The following SH3GLB1 variants were observed in gnomAD, a reference collection of about 807,000 sequenced individuals.
SH3GLB1 encodes the protein SH3 domain containing GRB2 like, endophilin B1.
In SH3GLB1, 17 loss-of-function variants were observed where a neutral mutation model predicts 42.0. The observed-to-expected ratio is 0.40, with a 90% CI of 0.28 to 0.61. SH3GLB1 has a LOEUF of 0.61. SH3GLB1 is among the 20% of genes least tolerant of loss of function. The pLI is 0.36. For synonymous variants in SH3GLB1, 132 were observed against 146.6 expected, an observed-to-expected ratio of 0.90 and a Z score of 0.72; for missense variants, 355 against 426.3, an observed-to-expected ratio of 0.83 and a Z score of 1.47.
chr1:86,714,882 A>C (rs1264196201), intron 1 of SH3GLB1, among the ~76,000 whole-genome samples: 1 of 152,206 alleles, frequency 6.6e-6, no homozygotes, highest in Non-Finnish European at 1.5e-5. Context: ...ATCTACACAG[A>C]ATCTTTTTAC....
rs572238851 is a variant in SH3GLB1, at chr1:86,704,990, G to C, written c.72+19G>C. 20 of 1,541,642 alleles carry C rather than the reference G, an allele frequency of 1.3e-5. No homozygotes were observed. Among genetic ancestry groups the C allele is most frequent in the Non-Finnish European group, 1.8e-5 (20 of 1,139,460 alleles). ...CGTGCAGGTACCCTGGTGCTGGGGG[G>C]AAAAGGGGTGGCGGCGCCCGGGAAG... On this transcript the variant is annotated intron_variant, in intron 1 of 8. Coordinates refer to ENST00000370558, the MANE Select transcript of SH3GLB1 (RefSeq NM_016009.5).
Position 86,730,783 on chromosome 1 carries a change from T to C in SH3GLB1, c.571-3819T>C, listed in dbSNP as rs537117527. On this transcript the variant is annotated intron_variant, in intron 5 of 8. Transcript: ENST00000370558. ...TCCCAAAGTGCTGGCATTACAGGCGTGAGCCACCGTACCCGGCCACAGATG... is the reference window on the plus strand; with the variant it reads ...TCCCAAAGTGCTGGCATTACAGGCGCGAGCCACCGTACCCGGCCACAGATG... Among the ~76,000 whole-genome samples, 3 of 152,346 alleles carry C rather than the reference T, an allele frequency of 2.0e-5. No individual in the cohort carries two copies. In the South Asian group the frequency reaches 6.2e-4, roughly 32 times the overall value.
intron 5 of SH3GLB1, among the ~76,000 whole-genome samples, chr1:86,725,583 A>G (rs371241250): frequency 6.6e-6 from 1 of 152,172 alleles, no homozygotes; most frequent in Admixed American, 6.5e-5. Context: ...AATTTGAGCT[A>G]TGGTATGATA....
chr1:86,724,892 A>AAAAAAAAAATATATATATATAT (rs1291454820), intron 5 of SH3GLB1, among the ~76,000 whole-genome samples: 3 of 99,676 alleles, frequency 3.0e-5, no homozygotes, highest in South Asian at 3.0e-4. Flanking sequence ...AAAAAAAAAA[A>AAAAAAAAAATATATATATATAT]ATATATATAT....
At chr1:86,710,183 A>G (rs60052187) in intron 1 of SH3GLB1, among the ~76,000 whole-genome samples, 20 of 152,354 alleles carry the variant, frequency 1.3e-4, no homozygotes, top group East Asian at 9.6e-4. Context: ...ACCTGATGTT[A>G]AAATTTACAC....
rs1279456935 is a variant in SH3GLB1, at chr1:86,719,598, T to G, written c.306T>G (p.Ile102Met). 6.2e-7 allele frequency: 1 copy of G among 1,611,046 alleles called. No homozygotes were observed. The highest frequency in any genetic ancestry group is 1.7e-5 in the Admixed American group (1 of 59,674). Residue 102 changes from isoleucine to methionine, a missense_variant, in exon 3 of 9, where the codon ATT (isoleucine) becomes ATG (methionine). Transcript: ENST00000370558. ...NNPELLGQYM[I>M]DAGTEFGPGT... ...CAGAACTTTTGGGACAATATATGAT[T>G]GATGCAGGGACTGAGTTTGGCCCAG...
intron 1 of SH3GLB1, among the ~76,000 whole-genome samples, chr1:86,712,738 C>G (rs1393939605): frequency 6.6e-6 from 1 of 151,472 alleles, no homozygotes; most frequent in Non-Finnish European, 1.5e-5. Context: ...TGTAAGGGTT[C>G]CATGTATCTT....
At chr1:86,731,917 T>TA (rs1173166252) in intron 5 of SH3GLB1, among the ~76,000 whole-genome samples, 2 of 152,046 alleles carry the variant, frequency 1.3e-5, no homozygotes, top group Non-Finnish European at 2.9e-5. Flanking sequence ...CTGTCTCTAC[T>TA]AAAAATACAA....
chr1:86,731,737 A>G (rs565520688), intron 5 of SH3GLB1, among the ~76,000 whole-genome samples: 1 of 152,138 alleles, frequency 6.6e-6, no homozygotes, highest in African/African-American at 2.4e-5. Flanking sequence ...AATGGATTTC[A>G]GGGGTTTTTT....
chr1:86,709,801 G>C (rs1223523922), intron 1 of SH3GLB1, among the ~76,000 whole-genome samples: 1 of 152,134 alleles, frequency 6.6e-6, no homozygotes, highest in Non-Finnish European at 1.5e-5. Flanking sequence ...AAGGAATATA[G>C]TTCTTAAAAT....
chr1:86,724,884 A>ACT (rs1436043734), intron 5 of SH3GLB1, among the ~76,000 whole-genome samples: 7 of 104,306 alleles, frequency 6.7e-5, no homozygotes, highest in South Asian at 2.7e-4. Flanking sequence ...TAAAAAAAAA[A>ACT]AAAAAAAAAT....
chr1:86,729,857 T>C (rs939308675), intron 5 of SH3GLB1, among the ~76,000 whole-genome samples: 3 of 151,986 alleles, frequency 2.0e-5, no homozygotes, highest in African/African-American at 4.8e-5. Flanking sequence ...GGGAAAACTG[T>C]AGATTTAACA....
At chr1:86,709,536 A>G (rs1273287185) in intron 1 of SH3GLB1, among the ~76,000 whole-genome samples, 1 of 152,218 alleles carries the variant, frequency 6.6e-6, no homozygotes, top group Non-Finnish European at 1.5e-5. Context: ...TATTTGTACT[A>G]AATAGCCATT....
At chr1:86,713,066 C>T (rs1654304871) in intron 1 of SH3GLB1, among the ~76,000 whole-genome samples, 2 of 151,988 alleles carry the variant, frequency 1.3e-5, no homozygotes, top group Non-Finnish European at 2.9e-5. Context: ...GAAATACTGT[C>T]GGGAGAAAAC....
intron 7 of SH3GLB1, among the ~76,000 whole-genome samples, chr1:86,741,638 A>G (rs1416642187): frequency 1.3e-5 from 2 of 152,160 alleles, no homozygotes; most frequent in Non-Finnish European, 2.9e-5. Flanking sequence ...TCCTTAAGGG[A>G]ATAGTATCAT....
intron 5 of SH3GLB1, among the ~76,000 whole-genome samples, chr1:86,727,362 A>G (rs868842190): frequency 3.4e-4 from 51 of 152,130 alleles, no homozygotes; most frequent in Admixed American, 7.9e-4. Context: ...TACAGTTTTG[A>G]AAAATAGATT....
chr1:86,725,045 CAA>C (rs1265431195), intron 5 of SH3GLB1, among the ~76,000 whole-genome samples: 5 of 148,864 alleles, frequency 3.4e-5, no homozygotes, highest in Non-Finnish European at 5.9e-5. Context: ...TGCTAAAAAA[CAA>C]AAATTATGGT....
Position 86,744,304 on chromosome 1 carries a change from C to T in SH3GLB1, c.*1069C>T, listed in dbSNP as rs536907163. On this transcript the variant is annotated 3_prime_UTR_variant, in exon 9 of 9. Coordinates refer to ENST00000370558, the MANE Select transcript of SH3GLB1 (RefSeq NM_016009.5). ...TTGTTTCCATGTTAAGACTTCTGTT[C>T]TAATTCATTCATTCAACAAACATTT... 1 of 152,264 alleles carries T rather than the reference C, an allele frequency of 6.6e-6. No homozygotes were observed. Among genetic ancestry groups the T allele is most frequent in the South Asian group, 2.1e-4 (1 of 4,822 alleles). The allele number at this position is 152,264 out of a possible 1,614,324, so 9.4% of individuals were successfully genotyped here.
At chr1:86,721,913 G>C (rs1342192310) in intron 3 of SH3GLB1, among the ~76,000 whole-genome samples, 1 of 151,254 alleles carries the variant, frequency 6.6e-6, no homozygotes, top group African/African-American at 2.4e-5. Context: ...TAAATCATCT[G>C]AATGTAAATG....
Sources: gnomAD v4.1 joint callset for allele counts (sites outside exome capture counted in the v4.1 genomes callset) on GRCh38, gnomAD v4.1.1 for gene constraint, MANE v1.5 for transcripts, NCBI Gene and HGNC (gene_info 2026-07-23, HGNC 2026-07-21) for gene names.